PDE4B: variants seen among roughly 807,000 people sequenced by gnomAD.
PDE4B encodes phosphodiesterase 4B.
In PDE4B, 20 loss-of-function variants were observed where a neutral mutation model predicts 82.2. The observed-to-expected ratio is 0.24, with a 90% confidence interval of 0.17 to 0.35. The LOEUF (loss-of-function observed/expected upper bound fraction) is 0.35, where lower values mean the gene tolerates loss of function less well. Among genes scored for constraint, PDE4B ranks in the 10% least tolerant of loss-of-function variants. PDE4B has a pLI of 1.00. For synonymous variants in PDE4B, 320 were observed against 318.9 expected (o/e 1.00, Z -0.04); for missense variants, 655 against 907.2 (o/e 0.72, Z 3.57).
At chr1:66,139,084 G>A (rs1384219667) in intron 3 of PDE4B, among the ~76,000 whole-genome samples, 1 of 152,160 alleles carries the variant, frequency 6.6e-6, no homozygotes, top group Non-Finnish European at 1.5e-5. Flanking sequence ...TTCTATTGTT[G>A]ATGTTACAAA....
At chr1:66,156,654 T>C (rs1646507122) in intron 3 of PDE4B, among the ~76,000 whole-genome samples, 1 of 152,180 alleles carries the variant, frequency 6.6e-6, no homozygotes, top group Admixed American at 6.5e-5. Context: ...AAGAGTTGTC[T>C]ATGTTCATTA....
At chr1:66,257,145 C>T (rs1160356134) in intron 4 of PDE4B, among the ~76,000 whole-genome samples, 1 of 152,022 alleles carries the variant, frequency 6.6e-6, no homozygotes, top group Admixed American at 6.6e-5. Flanking sequence ...ATATTACAAA[C>T]AAAAAGTAAT....
At chr1:66,363,685 G>A (rs780306452) in intron 12 of PDE4B, 114 bp downstream of exon 12, 44 of 819,658 alleles carry the variant, frequency 5.4e-5, no homozygotes, top group Non-Finnish European at 8.2e-5. Flanking sequence ...GCTGAGTTGG[G>A]AGGATTGCTT....
chr1:65,906,630 A>C (rs1049384153), intron 1 of PDE4B, among the ~76,000 whole-genome samples: 1 of 152,148 alleles, frequency 6.6e-6, no homozygotes, highest in East Asian at 1.9e-4. Flanking sequence ...ACAAGCAGAA[A>C]CATGGGGTTA....
intron 1 of PDE4B, among the ~76,000 whole-genome samples, chr1:65,878,583 G>A (rs1278220050): frequency 2.6e-5 from 4 of 152,164 alleles, no homozygotes; most frequent in Admixed American, 1.3e-4. Flanking sequence ...CCTTTGCAGG[G>A]ACGTGGATGA....
chr1:66,050,394 T>G (rs1454857187), intron 3 of PDE4B: 2 of 152,112 alleles, frequency 1.3e-5, no homozygotes, highest in Non-Finnish European at 1.5e-5. Flanking sequence ...AGTGGCCTCT[T>G]GGCTCAACTT....
chr1:66,267,792 C>T (rs776722478), intron 7 of PDE4B, among the ~76,000 whole-genome samples: 6 of 152,132 alleles, frequency 3.9e-5, no homozygotes, highest in Admixed American at 2.0e-4. Context: ...ATCTCCTTAA[C>T]GTTTAGCCAC....
intron 8 of PDE4B, among the ~76,000 whole-genome samples, chr1:66,337,694 A>G (rs1003194758): frequency 3.3e-5 from 5 of 152,188 alleles, no homozygotes; most frequent in African/African-American, 4.8e-5. Context: ...CTCAATGTAT[A>G]TCTTTGTATA....
intron 3 of PDE4B, among the ~76,000 whole-genome samples, chr1:66,113,067 G>A (rs56944793): frequency 0.026 from 3,970 of 152,264 alleles, 164 homozygotes; most frequent in African/African-American, 0.092. Context: ...GAATTCTCAA[G>A]TACTGAAAGG....
At chr1:66,048,335 T>C (rs1462972459) in intron 3 of PDE4B, among the ~76,000 whole-genome samples, 1 of 151,918 alleles carries the variant, frequency 6.6e-6, no homozygotes, top group Admixed American at 6.6e-5. Context: ...TCCACTGTCC[T>C]CCTACATAAT....
At chr1:65,801,730 G>T (rs1171699133) in intron 1 of PDE4B, among the ~76,000 whole-genome samples, 1 of 152,060 alleles carries the variant, frequency 6.6e-6, no homozygotes, top group Non-Finnish European at 1.5e-5. Context: ...GGTAAGATAG[G>T]GATACAGCTG....
At chr1:66,182,014 T>C (rs553418369) in intron 3 of PDE4B, among the ~76,000 whole-genome samples, 1 of 152,148 alleles carries the variant, frequency 6.6e-6, no homozygotes, top group Non-Finnish European at 1.5e-5. Context: ...TATTATTATT[T>C]ACTCAGGCAA....
chr1:66,100,975 T>TG (rs1448068019), intron 3 of PDE4B, among the ~76,000 whole-genome samples: 1 of 152,140 alleles, frequency 6.6e-6, no homozygotes, highest in Admixed American at 6.5e-5. Context: ...ATGCTATCCC[T>TG]CCATCCTCCC....
chr1:66,201,717 C>A (rs1648975740), intron 3 of PDE4B, among the ~76,000 whole-genome samples: 1 of 151,730 alleles, frequency 6.6e-6, no homozygotes, highest in Non-Finnish European at 1.5e-5. Context: ...TTTATTGCAT[C>A]TGTTTGATTC....
chr1:65,822,815 TCTTGGA>T (rs1645969251), intron 1 of PDE4B, among the ~76,000 whole-genome samples: 1 of 152,122 alleles, frequency 6.6e-6, no homozygotes, highest in Admixed American at 6.5e-5. Context: ...AGTGTCTTGA[TCTTGGA>T]CTTCCCAATC....
chr1:66,265,336 G>T (rs1159614461), intron 6 of PDE4B, among the ~76,000 whole-genome samples: 3 of 152,098 alleles, frequency 2.0e-5, no homozygotes, highest in African/African-American at 7.2e-5. Flanking sequence ...ATGAGAAGAA[G>T]GGTAAGAGCA....
intron 3 of PDE4B, among the ~76,000 whole-genome samples, chr1:66,078,676 A>C (rs1437813033): frequency 6.6e-6 from 1 of 152,178 alleles, no homozygotes; most frequent in African/African-American, 2.4e-5. Context: ...TTCGTCTTTT[A>C]AAAATCATGA....
At position 66,201,677 on chromosome 1, in the gene PDE4B, G is replaced by T. The variant is rs145296907; in HGVS notation, c.282-45783G>T. 4.2e-3 allele frequency among the ~76,000 whole-genome samples: 588 copies of T among 138,890 alleles called. 3 individuals carry two copies. The highest frequency in any genetic ancestry group is 0.015 in the African/African-American group (546 of 36,182). 91.1% of individuals were successfully genotyped at this position (138,890 alleles called of 152,430 possible). A position where few individuals can be genotyped will look rare whatever the true frequency, so the allele number is the denominator to read the frequency against. Reference sequence around the variant, plus strand: ...TCTGATGGTAGTTGGTATTTCTGTGGGATCTGTGGTGATATCCCCTTTGTC... The same window carrying T: ...TCTGATGGTAGTTGGTATTTCTGTGTGATCTGTGGTGATATCCCCTTTGTC... On this transcript the variant is annotated intron_variant, in intron 3 of 16. Transcript: ENST00000341517.
chr1:66,170,154 A>G (rs757533840), intron 3 of PDE4B, among the ~76,000 whole-genome samples: 1 of 152,194 alleles, frequency 6.6e-6, no homozygotes, highest in East Asian at 1.9e-4. Flanking sequence ...GATGTTGCAC[A>G]TTAGTTCCTC....
Sources: allele counts gnomAD v4.1 joint callset (sites outside exome capture counted in the v4.1 genomes callset), GRCh38; gene constraint gnomAD v4.1.1; transcripts MANE v1.5; gene names NCBI Gene and HGNC (gene_info 2026-07-23, HGNC 2026-07-21).